Variants in GUK1 observed in about 807,000 individuals in gnomAD.
GUK1 encodes guanylate kinase.
GUK1 carries 18 observed loss-of-function variants against 25.2 expected under a neutral mutation model. That is an observed-to-expected ratio of 0.71 (90% confidence interval 0.49 to 1.06). The LOEUF (loss-of-function observed/expected upper bound fraction) is 1.06. Among genes scored for constraint, GUK1 ranks in the 50% least tolerant of loss-of-function variants. The pLI is 0.00. For synonymous variants in GUK1, 105 were observed against 117.6 expected, an observed-to-expected ratio of 0.89 and a Z score of 0.69; for missense variants, 261 against 276.7, an observed-to-expected ratio of 0.94 and a Z score of 0.40.
chr1:228,147,829 C>A, intron 7 of GUK1, 130 bp downstream of exon 6: 1 of 701,250 alleles, frequency 1.4e-6, no homozygotes, highest in South Asian at 1.9e-5. Context: ...CCTCAGACCT[C>A]TCAACTACCT....
intron 2 of GUK1, chr1:228,141,907 A>G: frequency 3.7e-6 from 2 of 538,740 alleles, no homozygotes; most frequent in South Asian, 6.3e-5. Flanking sequence ...GTGAGAGTGG[A>G]GAGCACAGAA....
Position 228,145,960 on chromosome 1 carries a change from A to G in GUK1, c.113-66A>G. On this transcript the variant is annotated intron_variant, in intron 3 of 8. Transcript: ENST00000312726. Reference sequence around the variant, plus strand: ...GGGCTCAAGTGCTGTCGGGACTGCAAGGGAAACGCTGGGTGGGGCATTGGG... The same window carrying G: ...GGGCTCAAGTGCTGTCGGGACTGCAGGGGAAACGCTGGGTGGGGCATTGGG... 7 of 1,209,846 alleles carry G rather than the reference A, an allele frequency of 5.8e-6. 1 individual carries two copies. The highest frequency in any genetic ancestry group is 7.4e-6 in the Non-Finnish European group (6 of 814,724). The allele number at this position is 1,209,846 out of a possible 1,614,324, so 74.9% of individuals were successfully genotyped here.
intron 2 of GUK1, chr1:228,141,885 G>A (rs1558110423): frequency 1.2e-6 from 1 of 826,942 alleles, no homozygotes; most frequent in Non-Finnish European, 1.6e-6. Context: ...TGGAGTTTGC[G>A]ACTGTGGGTT....
At chr1:228,145,741 C>T (rs192348508) in intron 3 of GUK1, 117 bp downstream of exon 2, 662 of 1,260,066 alleles carry the variant, frequency 5.3e-4, no homozygotes, top group Admixed American at 3.2e-3. Context: ...GCAGACTGTC[C>T]GAACTCTTGC....
Position 228,141,225 on chromosome 1 carries a change from G to A in GUK1, c.-66G>A. ...GGACAGACCCAAACATAGCCGCGCA[G>A]CATCGTGAAGGGCTGGGGCCTTCAC... On this transcript the variant is annotated 5_prime_UTR_variant, in exon 2 of 9. Transcript: ENST00000312726. 1.0e-6 allele frequency: 1 copy of A among 985,002 alleles called. No homozygotes were observed. Among genetic ancestry groups the A allele is most frequent in the South Asian group, 4.7e-5 (1 of 21,344 alleles). 61.0% of individuals were successfully genotyped at this position (985,002 alleles called of 1,614,324 possible).
At chr1:228,143,781 G>A (rs180716276) in intron 2 of GUK1, among the ~76,000 whole-genome samples, 3 of 152,350 alleles carry the variant, frequency 2.0e-5, no homozygotes, top group Admixed American at 1.3e-4. Flanking sequence ...CGAGCTAAGC[G>A]CAGGGGCAAA....
At chr1:228,145,785 C>T in intron 3 of GUK1, 161 bp downstream of exon 2, 2 of 855,802 alleles carry the variant, frequency 2.3e-6, no homozygotes, top group South Asian at 3.4e-5. Context: ...GAGGTTATCA[C>T]ACTCCTGCTG....
intron 2 of GUK1, chr1:228,141,555 T>C: frequency 1.2e-6 from 1 of 824,034 alleles, no homozygotes. Flanking sequence ...CTCTCGGTTC[T>C]CAGAAGGTCA....
intron 5 of GUK1, 46 bp downstream of exon 4, chr1:228,146,984 C>T (rs767941020): frequency 1.6e-5 from 20 of 1,257,844 alleles, no homozygotes; most frequent in Non-Finnish European, 2.3e-5. Flanking sequence ...TTGCTGTTGG[C>T]AACAGGGATC....
chr1:228,147,558 AG>A lies in GUK1; in HGVS notation c.390+17del, dbSNP rs1388060728. 6.2e-7 allele frequency: 1 copy of A among 1,612,938 alleles called. No individual in the cohort carries two copies. The highest frequency in any genetic ancestry group is 1.3e-5 in the African/African-American group (1 of 74,926). Reference sequence around the variant, plus strand: ...CTGCACGTGCTGGTGTGTGCTGGGCAGGGTTGGGGGCTGGGGGCCAGGGCAT... The same window carrying A: ...CTGCACGTGCTGGTGTGTGCTGGGCAGGTTGGGGGCTGGGGGCCAGGGCAT... On this transcript the variant is annotated intron_variant, in intron 6 of 8. Transcript: ENST00000312726.
At chr1:228,143,094 G>A (rs953584582) in intron 2 of GUK1, among the ~76,000 whole-genome samples, 2 of 152,208 alleles carry the variant, frequency 1.3e-5, no homozygotes, top group Non-Finnish European at 2.9e-5. Flanking sequence ...GGAGGGAGGA[G>A]GGGAGGCCTG....
Position 228,140,350 on chromosome 1 carries a change from G to A in GUK1, c.-181G>A. ...GGCTGGCTGCGGCCGCCCTGGGCCG[G>A]GCCCCACCGGACGGTGAGTACGACA... On this transcript the variant is annotated 5_prime_UTR_variant, in exon 1 of 9. Transcript: ENST00000312726. The A allele has an allele frequency of 6.6e-7, 1 of 1,524,666 alleles. No individual in the cohort carries two copies. The highest frequency in any genetic ancestry group is 8.7e-7 in the Non-Finnish European group (1 of 1,144,026). 94.4% of individuals were successfully genotyped at this position (1,524,666 alleles called of 1,614,324 possible).
At chr1:228,148,224 C>G (rs1263158163) in intron 7 of GUK1, 147 bp from the exon 7 acceptor site, 2 of 722,722 alleles carry the variant, frequency 2.8e-6, no homozygotes, top group African/African-American at 3.5e-5. Context: ...CCCTTCCCTA[C>G]CCTGCACAGG....
intron 2 of GUK1, chr1:228,144,753 G>C: frequency 1.0e-6 from 1 of 983,576 alleles, no homozygotes; most frequent in Non-Finnish European, 1.2e-6. Context: ...CAGCAAACAG[G>C]TAGGCCCTGT....
At chr1:228,144,669 AT>A in intron 2 of GUK1, 1 of 963,640 alleles carries the variant, frequency 1.0e-6, no homozygotes, top group Non-Finnish European at 1.2e-6. Flanking sequence ...CGTAGTGGGG[AT>A]TAGGGACTCA....
At chr1:228,147,308 G>C (rs2034435544) in intron 5 of GUK1, 98 bp from the exon 5 acceptor site, 1 of 1,181,844 alleles carries the variant, frequency 8.5e-7, no homozygotes, top group Non-Finnish European at 1.2e-6. Flanking sequence ...TCAGCTGTGG[G>C]AGGAGAACGC....
Position 228,148,778 on chromosome 1 carries a change from CG to C in GUK1, c.*83del, listed in dbSNP as rs1223540546. ...TGAGCCACCCCCTTGGCAGGCGATA[CG>C]GCAGCTCTGTGCCCTTGGCCAGCAT... On this transcript the variant is annotated 3_prime_UTR_variant, in exon 9 of 9. Coordinates refer to ENST00000312726, the MANE Select transcript of GUK1 (RefSeq NM_000858.7). The C allele has an allele frequency of 3.1e-6, 5 of 1,607,136 alleles. No homozygotes were observed. The highest frequency in any genetic ancestry group is 4.2e-6 in the Non-Finnish European group (5 of 1,177,468).
rs777247263 is a variant in GUK1, at chr1:228,146,875, G to A, written c.188G>A (p.Arg63His). 6.8e-6 allele frequency: 11 copies of A among 1,613,652 alleles called. No individual in the cohort carries two copies. The highest frequency in any genetic ancestry group is 5.0e-5 in the Admixed American group (3 of 60,008). ...TTTGTAACCAGGGAGGTGATGCAGC[G>A]TGACATAGCAGCCGGCGACTTCATC... The change falls in exon 5 of 9, where the codon CGT (arginine) becomes CAT (histidine). Residue 63 changes from arginine to histidine, a missense_variant. By Grantham distance (29) the Arg-to-His change is conservative. Coordinates refer to ENST00000312726, the MANE Select transcript of GUK1 (RefSeq NM_000858.7).
chr1:228,140,397 CG>C (rs1315075265), intron 1 of GUK1, 34 bp downstream of exon 1: 1 of 1,430,302 alleles, frequency 7.0e-7, no homozygotes, highest in East Asian at 2.6e-5. Flanking sequence ...GAGGGTGACT[CG>C]GGTCGAGGCG....
Sources: allele counts gnomAD v4.1 joint callset (sites outside exome capture counted in the v4.1 genomes callset), GRCh38; gene constraint gnomAD v4.1.1; transcripts MANE v1.5; gene names NCBI Gene and HGNC (gene_info 2026-07-23, HGNC 2026-07-21).